The following ITGA11 variants were observed in gnomAD, a reference collection of about 807,000 sequenced individuals.
The protein encoded by ITGA11 is integrin alpha-11.
A neutral mutation model predicts 141.9 loss-of-function variants in ITGA11; 97 were observed. The observed-to-expected ratio is 0.68, with a 90% CI of 0.58 to 0.81. The LOEUF is 0.81. Among genes scored for constraint, ITGA11 ranks in the 30% least tolerant of loss-of-function variants. The pLI, the probability that ITGA11 is intolerant of heterozygous loss-of-function variation, is 0.00. For synonymous variants in ITGA11, 658 were observed against 624.6 expected (o/e 1.05, Z -0.80); for missense variants, 1,387 against 1,559.2 (o/e 0.89, Z 1.86).
rs149909551 is a variant in ITGA11, at chr15:68,351,899, A to G, written c.750-497T>C. Among the ~76,000 whole-genome samples, 490 of 152,120 alleles carry G rather than the reference A, an allele frequency of 3.2e-3. 7 individuals are homozygous for G. Among genetic ancestry groups the G allele is most frequent in the African/African-American group, 0.011 (468 of 41,538 alleles). ...GGAGTTCGAGACTAGCCTGACTAAC[A>G]TGTCGAAACCCTGCCTCTACTAAAA... On this transcript the variant is annotated intron_variant, in intron 7 of 29. Coordinates refer to ENST00000315757, the MANE Select transcript of ITGA11 (RefSeq NM_001004439.2).
intron 2 of ITGA11, among the ~76,000 whole-genome samples, chr15:68,402,618 G>A (rs1896537382): frequency 6.6e-6 from 1 of 152,118 alleles, no homozygotes; most frequent in African/African-American, 2.4e-5. Context: ...ATGACCAGGG[G>A]CTAACAATTG....
intron 2 of ITGA11, among the ~76,000 whole-genome samples, chr15:68,392,558 T>G (rs1341032815): frequency 1.3e-5 from 2 of 152,164 alleles, no homozygotes; most frequent in Non-Finnish European, 2.9e-5. Flanking sequence ...TCTCAAAAGC[T>G]CTGTTGAAAG....
At chr15:68,364,392 C>T (rs1387917522) in intron 4 of ITGA11, among the ~76,000 whole-genome samples, 3 of 152,236 alleles carry the variant, frequency 2.0e-5, no homozygotes, top group Non-Finnish European at 4.4e-5. Context: ...GACTTGTTGG[C>T]TATCTACATT....
At position 68,304,360 on chromosome 15, in the gene ITGA11, T is replaced by C. The variant is rs548823214; in HGVS notation, c.3382-475A>G. Among the ~76,000 whole-genome samples, 2 of 152,220 alleles carry C rather than the reference T, an allele frequency of 1.3e-5. No homozygotes were observed. The highest frequency in any genetic ancestry group is 1.3e-4 in the Admixed American group (2 of 15,288). On this transcript the variant is annotated intron_variant, in intron 28 of 29. Transcript: ENST00000315757. The surrounding 1 kb of genome is among the most constrained non-coding windows in gnomAD (Gnocchi z 6.1). Reference sequence around the variant, plus strand: ...GGCCCATAACACTTTTAGGAGCCCATGAAAATGTTTACATTTCTTTTAAAA... The same window carrying C: ...GGCCCATAACACTTTTAGGAGCCCACGAAAATGTTTACATTTCTTTTAAAA...
rs1367724789 is a variant in ITGA11, at chr15:68,321,399, G to A, written c.2408+19C>T. 2.0e-6 allele frequency: 3 copies of A among 1,525,494 alleles called. No individual in the cohort carries two copies. The highest frequency in any genetic ancestry group is 1.9e-5 in the Admixed American group (1 of 53,202). The allele number at this position is 1,525,494 out of a possible 1,614,324, so 94.5% of individuals were successfully genotyped here. A position where few individuals can be genotyped will look rare whatever the true frequency, so the allele number is the denominator to read the frequency against. ...TGAAGGGGAAGGGGCGAGGGTGGGG[G>A]TGGAAGGAGCCAACTCACATGGCCG... On this transcript the variant is annotated intron_variant, in intron 19 of 29. Coordinates refer to ENST00000315757, the MANE Select transcript of ITGA11 (RefSeq NM_001004439.2). The surrounding 1 kb of genome is among the most constrained non-coding windows in gnomAD (Gnocchi z 4.9).
At position 68,302,807 on chromosome 15, in the gene ITGA11, T is replaced by TGTAG. The variant is rs1352601436; in HGVS notation, c.*248_*251dup. The TGTAG allele has an allele frequency of 4.1e-6, 2 of 487,832 alleles. No homozygotes were observed. Among genetic ancestry groups the TGTAG allele is most frequent in the Non-Finnish European group, 7.2e-6 (2 of 276,128 alleles). The allele number at this position is 487,832 out of a possible 1,614,324, so 30.2% of individuals were successfully genotyped here. A position where few individuals can be genotyped will look rare whatever the true frequency, so the allele number is the denominator to read the frequency against. On this transcript the variant is annotated 3_prime_UTR_variant, in exon 30 of 30. Coordinates refer to ENST00000315757, the MANE Select transcript of ITGA11 (RefSeq NM_001004439.2). ...AGGCCTTGGCATGGGCCTGGGTGTG[T>TGTAG]GTAGGGGTGTCCCTTTAAATCCCTA...
chr15:68,336,072 C>T, intron 11 of ITGA11: 1 of 584,032 alleles, frequency 1.7e-6, no homozygotes, highest in South Asian at 2.1e-5. Context: ...GAACTCACTG[C>T]ACCCCAGCCC....
At chr15:68,391,839 G>C (rs1896129065) in intron 2 of ITGA11, among the ~76,000 whole-genome samples, 5 of 152,178 alleles carry the variant, frequency 3.3e-5, no homozygotes. Flanking sequence ...CCAATATTTT[G>C]CCGAGTCTAG....
At chr15:68,390,550 G>A (rs1009198796) in intron 2 of ITGA11, among the ~76,000 whole-genome samples, 11 of 152,096 alleles carry the variant, frequency 7.2e-5, no homozygotes, top group Admixed American at 2.6e-4. Context: ...GCAGCTTCCT[G>A]GCCTCCCCCA....
chr15:68,391,775 G>T (rs1046002222), intron 2 of ITGA11, among the ~76,000 whole-genome samples: 1 of 152,194 alleles, frequency 6.6e-6, no homozygotes, highest in Non-Finnish European at 1.5e-5. Context: ...TATTAATGTT[G>T]CCTCCCTAAC....
intron 2 of ITGA11, among the ~76,000 whole-genome samples, chr15:68,397,596 AATATTTAAAATATT>A (rs1210255454): frequency 5.4e-5 from 2 of 36,948 alleles, no homozygotes; most frequent in Admixed American, 4.4e-4. Context: ...AATATTATAA[AATATTTAAAATATT>A]ATATTTAAAA....
intron 24 of ITGA11, 138 bp from the exon 25 acceptor site, chr15:68,311,541 G>A (rs2140272875): frequency 1.6e-6 from 1 of 632,314 alleles, no homozygotes; most frequent in South Asian, 1.9e-5. Flanking sequence ...GACCCCTGGT[G>A]TTTTCACCAT....
At chr15:68,359,350 T>C (rs1595876748) in intron 5 of ITGA11, among the ~76,000 whole-genome samples, 1 of 152,192 alleles carries the variant, frequency 6.6e-6, no homozygotes, top group East Asian at 1.9e-4. Flanking sequence ...TTTTGTAATA[T>C]TAATACTAAA....
chr15:68,318,778 G>A (rs1041754816), intron 20 of ITGA11, among the ~76,000 whole-genome samples: 2 of 152,134 alleles, frequency 1.3e-5, no homozygotes, highest in African/African-American at 4.8e-5. Context: ...GGGTGGAGAG[G>A]ACAGACTGGC....
intron 1 of ITGA11, among the ~76,000 whole-genome samples, chr15:68,420,666 G>T (rs148779505): frequency 6.6e-6 from 1 of 152,160 alleles, no homozygotes; most frequent in African/African-American, 2.4e-5. Flanking sequence ...TGTGGCAGGC[G>T]GGTGGGGAGA....
intron 3 of ITGA11, among the ~76,000 whole-genome samples, chr15:68,365,705 T>C (rs772232816): frequency 2.2e-5 from 2 of 92,374 alleles, no homozygotes; most frequent in South Asian, 2.8e-4. Flanking sequence ...TCTCTTTTCT[T>C]TTTTTTTAAT....
chr15:68,384,461 C>G (rs1322544862), intron 2 of ITGA11, among the ~76,000 whole-genome samples: 1 of 152,098 alleles, frequency 6.6e-6, no homozygotes, highest in Admixed American at 6.5e-5. Flanking sequence ...ATTTGAGGGC[C>G]TGAAGATGCC....
chr15:68,367,504 C>T (rs535963080), intron 3 of ITGA11, among the ~76,000 whole-genome samples: 1 of 152,292 alleles, frequency 6.6e-6, no homozygotes, highest in East Asian at 1.9e-4. Context: ...AGAAGCCTTC[C>T]CTGATCACCT....
intron 2 of ITGA11, among the ~76,000 whole-genome samples, chr15:68,386,464 C>T (rs1229767573): frequency 6.6e-6 from 1 of 152,166 alleles, no homozygotes; most frequent in African/African-American, 2.4e-5. Context: ...TTCAAAGAGG[C>T]GGGAAGGCTG....
Sources: gnomAD v4.1 joint callset for allele counts (sites outside exome capture counted in the v4.1 genomes callset) on GRCh38, gnomAD v4.1.1 for gene constraint, Gnocchi (gnomAD v3.1) non-coding constraint, MANE v1.5 for transcripts, NCBI Gene and HGNC (gene_info 2026-07-23, HGNC 2026-07-21) for gene names.